SETBP1: variants seen among roughly 807,000 people sequenced by gnomAD.
The protein encoded by SETBP1 is SET binding protein 1.
Under a neutral mutation model 101.0 loss-of-function variants are expected in SETBP1, and 9 were observed. The ratio of observed to expected loss-of-function variants is 0.09; its 90% confidence interval spans 0.05 to 0.16. The LOEUF (loss-of-function observed/expected upper bound fraction) is 0.16, where lower values mean the gene tolerates loss of function less well. SETBP1 is among the 10% of genes least tolerant of loss of function. The pLI is 1.00. For synonymous variants in SETBP1, 818 were observed against 788.5 expected (o/e 1.04, Z -0.63); for missense variants, 1,858 against 2,033.8 (o/e 0.91, Z 1.66).
At chr18:45,023,231 C>A (rs2145426373) in intron 4 of SETBP1, among the ~76,000 whole-genome samples, 1 of 152,290 alleles carries the variant, frequency 6.6e-6, no homozygotes, top group East Asian at 1.9e-4. Flanking sequence ...AAATAAATTC[C>A]ATTTTTAATG....
intron 4 of SETBP1, among the ~76,000 whole-genome samples, chr18:44,963,967 A>T (rs1482103467): frequency 6.7e-6 from 1 of 149,006 alleles, no homozygotes; most frequent in African/African-American, 2.5e-5. Context: ...GCAGCAAGTC[A>T]TTAAGAGATC....
At chr18:45,037,630 T>G (rs2073423307) in intron 4 of SETBP1, among the ~76,000 whole-genome samples, 1 of 152,130 alleles carries the variant, frequency 6.6e-6, no homozygotes, top group Non-Finnish European at 1.5e-5. Flanking sequence ...GAGCCTAGAT[T>G]CAAGCTCAGG....
At chr18:44,921,990 G>A (rs1452621910) in intron 3 of SETBP1, among the ~76,000 whole-genome samples, 1 of 152,174 alleles carries the variant, frequency 6.6e-6, no homozygotes, top group Non-Finnish European at 1.5e-5. Flanking sequence ...CAGATTAGAA[G>A]GACCAATTGG....
intron 4 of SETBP1, among the ~76,000 whole-genome samples, 163 bp from the exon 5 acceptor site, chr18:45,038,322 T>C (rs1302148650): frequency 1.3e-5 from 2 of 152,228 alleles, no homozygotes; most frequent in African/African-American, 4.8e-5. Flanking sequence ...AAACCAGTCA[T>C]AGCTATTTTT....
At chr18:44,794,355 C>A (rs561128436) in intron 2 of SETBP1, among the ~76,000 whole-genome samples, 1 of 152,244 alleles carries the variant, frequency 6.6e-6, no homozygotes, top group Admixed American at 6.5e-5. Flanking sequence ...AAATGCTGCA[C>A]CCCACCACCA....
chr18:44,710,424 A>C (rs1430883766), intron 2 of SETBP1, among the ~76,000 whole-genome samples: 1 of 147,990 alleles, frequency 6.8e-6, no homozygotes. Flanking sequence ...ACACAGCACA[A>C]GGCCTTGAAG....
chr18:44,919,420 G>A (rs973911561), intron 3 of SETBP1, among the ~76,000 whole-genome samples: 1 of 151,414 alleles, frequency 6.6e-6, no homozygotes, highest in African/African-American at 2.4e-5. Flanking sequence ...CACAATCTCG[G>A]CTGACTGCAA....
intron 3 of SETBP1, among the ~76,000 whole-genome samples, chr18:44,916,349 T>C (rs1042773695): frequency 4.6e-5 from 7 of 152,250 alleles, no homozygotes; most frequent in Non-Finnish European, 8.8e-5. Context: ...TGGCTGGAGT[T>C]TGTGGGACCA....
At chr18:44,864,535 A>G (rs1195745654) in intron 2 of SETBP1, among the ~76,000 whole-genome samples, 13 of 152,126 alleles carry the variant, frequency 8.5e-5, no homozygotes, top group Non-Finnish European at 5.9e-5. Flanking sequence ...CATCCTCCTA[A>G]TATTTTGAAT....
chr18:44,953,982 C>T (rs2071425856), intron 4 of SETBP1, among the ~76,000 whole-genome samples: 1 of 152,166 alleles, frequency 6.6e-6, no homozygotes, highest in Admixed American at 6.5e-5. Context: ...TTTTCGTGCA[C>T]TAAGTGGAAG....
At chr18:44,862,420 G>A (rs1044936738) in intron 2 of SETBP1, among the ~76,000 whole-genome samples, 7 of 152,162 alleles carry the variant, frequency 4.6e-5, no homozygotes, top group Non-Finnish European at 7.4e-5. Context: ...TTTAGCAAAA[G>A]GACACAGTTC....
In SETBP1 at chr18:44,740,485, G is replaced by A. The variant is rs76025430; in HGVS notation, c.486+38653G>A. The stretch of plus-strand genomic sequence containing the variant: ...AAGAATTATTACGAAGATGACATGT[G>A]ATGTAAATGCACTTTGAAAGTGTCT... On this transcript the variant is annotated intron_variant, in intron 2 of 5. Coordinates refer to ENST00000649279, the MANE Select transcript of SETBP1 (RefSeq NM_015559.3). Among the ~76,000 whole-genome samples, 97 of 152,310 alleles carry A rather than the reference G, an allele frequency of 6.4e-4. No individual in the cohort carries two copies. The East Asian group carries it at 0.017, about 26-fold the overall frequency.
intron 4 of SETBP1, among the ~76,000 whole-genome samples, chr18:45,001,842 A>T (rs528030312): frequency 1.2e-4 from 18 of 152,276 alleles, no homozygotes; most frequent in African/African-American, 4.3e-4. Flanking sequence ...TGCTCGGTTA[A>T]CTCATACTGA....
At chr18:44,970,872 T>C (rs531093469) in intron 4 of SETBP1, among the ~76,000 whole-genome samples, 1 of 152,102 alleles carries the variant, frequency 6.6e-6, no homozygotes, top group Non-Finnish European at 1.5e-5. Flanking sequence ...CTTTTCTTTT[T>C]TTTTTTAATT....
chr18:44,940,570 C>G (rs1171301926), intron 3 of SETBP1, among the ~76,000 whole-genome samples: 1 of 152,078 alleles, frequency 6.6e-6, no homozygotes, highest in Non-Finnish European at 1.5e-5. Context: ...AATGCGTACC[C>G]TTAAAATATT....
chr18:44,720,583 T>G (rs1425770457), intron 2 of SETBP1, among the ~76,000 whole-genome samples: 8 of 152,194 alleles, frequency 5.3e-5, no homozygotes, highest in Admixed American at 5.2e-4. Flanking sequence ...CTTCCCAGTG[T>G]CTACCTTGTT....
chr18:44,984,581 A>G (rs546104719), intron 4 of SETBP1, among the ~76,000 whole-genome samples: 6 of 152,140 alleles, frequency 3.9e-5, no homozygotes, highest in Non-Finnish European at 7.4e-5. Context: ...GACCCCTGCC[A>G]TATATGCTAT....
chr18:44,912,312 GA>G (rs942442745), intron 3 of SETBP1, among the ~76,000 whole-genome samples: 1 of 152,122 alleles, frequency 6.6e-6, no homozygotes, highest in Admixed American at 6.5e-5. Flanking sequence ...GATTCTCCTA[GA>G]ACTTGTAGCA....
chr18:44,771,859 C>G (rs1167273378), intron 2 of SETBP1, among the ~76,000 whole-genome samples: 1 of 152,200 alleles, frequency 6.6e-6, no homozygotes. Context: ...ATTGTAGATT[C>G]AATATCAGCT....
Sources: gnomAD v4.1 joint callset for allele counts (sites outside exome capture counted in the v4.1 genomes callset) on GRCh38, gnomAD v4.1.1 for gene constraint, MANE v1.5 for transcripts, NCBI Gene and HGNC (gene_info 2026-07-23, HGNC 2026-07-21) for gene names.